The following FOCAD variants were observed in gnomAD, a reference collection of about 807,000 sequenced individuals.
FOCAD encodes the protein KIAA1797.
A neutral mutation model predicts 225.6 loss-of-function variants in FOCAD; 198 were observed. The ratio of observed to expected loss-of-function variants is 0.88; its 90% CI spans 0.78 to 0.99. FOCAD has a LOEUF of 0.99. FOCAD is among the 50% of genes least tolerant of loss of function. The pLI, the probability that FOCAD is intolerant of heterozygous loss-of-function variation, is 0.00. For missense variants in FOCAD, 2,713 were observed against 2,123.6 expected, an observed-to-expected ratio of 1.28 and a Z score of -5.46; for synonymous variants, 897 against 755.0, an observed-to-expected ratio of 1.19 and a Z score of -3.08.
At chr9:20,781,975 G>A (rs1157512093) in intron 10 of FOCAD, 46 bp downstream of exon 10, 1 of 1,557,578 alleles carries the variant, frequency 6.4e-7, no homozygotes, top group Admixed American at 1.7e-5. Flanking sequence ...GTCGATGTGG[G>A]ATTTCGGTCT....
intron 21 of FOCAD, among the ~76,000 whole-genome samples, chr9:20,892,161 C>T (rs772847526): frequency 6.6e-6 from 1 of 152,166 alleles, no homozygotes; most frequent in Non-Finnish European, 1.5e-5. Flanking sequence ...TGCTAACTGA[C>T]AATGCACCTA....
intron 11 of FOCAD, among the ~76,000 whole-genome samples, chr9:20,804,093 A>G (rs181858180): frequency 5.3e-4 from 80 of 152,064 alleles, no homozygotes; most frequent in African/African-American, 1.9e-3. Flanking sequence ...GGTGGGTTCG[A>G]TTCACACCTT....
rs892767891 is a variant in FOCAD at position 20,770,379 on chromosome 9, C to G, written c.906+141C>G. 4 of 749,840 alleles carry G rather than the reference C, an allele frequency of 5.3e-6. No individual in the cohort carries two copies. In the East Asian group the frequency reaches 1.1e-4, roughly 21 times the overall value. 46.4% of individuals were successfully genotyped at this position (749,840 alleles called of 1,614,324 possible). A position where few individuals can be genotyped will look rare whatever the true frequency, so the allele number is the denominator to read the frequency against. On this transcript the variant is annotated intron_variant, in intron 8 of 43. Transcript: ENST00000338382. Reference sequence around the variant, plus strand: ...ATGCATGGTGCTGGCATCTGCTTAGCTTCTGGGGAGGCCTCAGGAAACTTA... The same window carrying G: ...ATGCATGGTGCTGGCATCTGCTTAGGTTCTGGGGAGGCCTCAGGAAACTTA...
intron 22 of FOCAD, among the ~76,000 whole-genome samples, chr9:20,912,284 G>A (rs186856785): frequency 1.5e-4 from 23 of 152,100 alleles, no homozygotes; most frequent in Admixed American, 1.2e-3. Context: ...CATATTTAAA[G>A]GCCTTGGACT....
At chr9:20,989,583 C>T (rs768865168) in intron 41 of FOCAD, among the ~76,000 whole-genome samples, 1 of 152,106 alleles carries the variant, frequency 6.6e-6, no homozygotes, top group Admixed American at 6.5e-5. Context: ...ACTTGGGAGG[C>T]TGAAGCAGGA....
intron 42 of FOCAD, among the ~76,000 whole-genome samples, chr9:20,992,960 T>TAA (rs76133502): frequency 2.1e-5 from 3 of 141,454 alleles, no homozygotes; most frequent in Admixed American, 7.1e-5. Context: ...AGACTCCATC[T>TAA]AAAAAAAAAA....
At chr9:20,740,815 T>G (rs1168051667) in intron 5 of FOCAD, among the ~76,000 whole-genome samples, 2 of 152,130 alleles carry the variant, frequency 1.3e-5, no homozygotes, top group Non-Finnish European at 2.9e-5. Flanking sequence ...ATCTGTAGAA[T>G]GTAATAAGGT....
chr9:20,803,718 C>T (rs141703890), intron 11 of FOCAD, among the ~76,000 whole-genome samples: 173 of 152,206 alleles, frequency 1.1e-3, no homozygotes, highest in Admixed American at 5.8e-3. Flanking sequence ...AGAACTTAAT[C>T]TTGCAGACTT....
chr9:20,948,820 C>G, intron 31 of FOCAD, 31 bp from the exon 32 acceptor site: 2 of 1,610,034 alleles, frequency 1.2e-6, no homozygotes, highest in Non-Finnish European at 8.5e-7. Context: ...GACTGATTCC[C>G]TCTTTTCATA....
intron 1 of FOCAD, among the ~76,000 whole-genome samples, chr9:20,688,669 A>G (rs1250051232): frequency 2.0e-5 from 3 of 152,198 alleles, no homozygotes; most frequent in African/African-American, 7.2e-5. Flanking sequence ...GGGAAACACT[A>G]CCCTGTAGGA....
intron 28 of FOCAD, among the ~76,000 whole-genome samples, chr9:20,937,817 T>C (rs1005473507): frequency 1.3e-5 from 2 of 152,120 alleles, no homozygotes; most frequent in African/African-American, 4.8e-5. Context: ...AGAGAATTTT[T>C]GCAATCTACT....
At chr9:20,968,450 T>TTTC (rs1297715639) in intron 35 of FOCAD, among the ~76,000 whole-genome samples, 2 of 137,602 alleles carry the variant, frequency 1.5e-5, no homozygotes, top group African/African-American at 5.5e-5. Flanking sequence ...TTTTTTTTTT[T>TTTC]TTTTTGGGAG....
chr9:20,886,454 G>A (rs1056692658), intron 21 of FOCAD, among the ~76,000 whole-genome samples: 1 of 152,074 alleles, frequency 6.6e-6, no homozygotes, highest in African/African-American at 2.4e-5. Context: ...TTACTGAAAA[G>A]CTGATTTATA....
At chr9:20,788,855 C>T (rs1250818978) in intron 10 of FOCAD, among the ~76,000 whole-genome samples, 1 of 152,204 alleles carries the variant, frequency 6.6e-6, no homozygotes, top group Non-Finnish European at 1.5e-5. Flanking sequence ...AATGAATTCC[C>T]AGGCTCCAGC....
At chr9:20,824,411 T>G (rs1362495154) in intron 15 of FOCAD, among the ~76,000 whole-genome samples, 2 of 152,088 alleles carry the variant, frequency 1.3e-5, no homozygotes, top group Non-Finnish European at 2.9e-5. Flanking sequence ...GAAATTAACA[T>G]TTTTTCTTAT....
At chr9:20,759,740 C>G (rs1246705165) in intron 6 of FOCAD, among the ~76,000 whole-genome samples, 1 of 152,086 alleles carries the variant, frequency 6.6e-6, no homozygotes, top group South Asian at 2.1e-4. Context: ...TGTTGAAATA[C>G]TGAATATGAG....
intron 2 of FOCAD, among the ~76,000 whole-genome samples, chr9:20,676,629 A>G (rs1196760231): frequency 6.6e-6 from 1 of 152,214 alleles, no homozygotes; most frequent in Non-Finnish European, 1.5e-5. Context: ...CTCCATTCCC[A>G]CAAACATTTG....
chr9:20,918,276 TAG>T (rs1834040158), intron 24 of FOCAD, among the ~76,000 whole-genome samples: 1 of 152,254 alleles, frequency 6.6e-6, no homozygotes, highest in Admixed American at 6.5e-5. Context: ...TCCTCGTGTC[TAG>T]TAGATATTGC....
At chr9:20,798,449 A>G (rs1821386308) in intron 11 of FOCAD, among the ~76,000 whole-genome samples, 1 of 152,152 alleles carries the variant, frequency 6.6e-6, no homozygotes, top group Non-Finnish European at 1.5e-5. Flanking sequence ...TACCTCTGGT[A>G]GAATTCGGCT....
Sources: gnomAD v4.1 joint callset for allele counts (sites outside exome capture counted in the v4.1 genomes callset) on GRCh38, gnomAD v4.1.1 for gene constraint, MANE v1.5 for transcripts, NCBI Gene and HGNC (gene_info 2026-07-23, HGNC 2026-07-21) for gene names.